B3GALT1: variants seen among roughly 807,000 people sequenced by gnomAD.
B3GALT1 encodes the protein beta-1,3-galactosyltransferase 1.
B3GALT1 carries 10 observed loss-of-function variants against 23.2 expected under a neutral mutation model. The ratio of observed to expected loss-of-function variants is 0.43; its 90% CI spans 0.27 to 0.73. The LOEUF (loss-of-function observed/expected upper bound fraction) is 0.73, where lower values mean the gene tolerates loss of function less well. Ranked by LOEUF, B3GALT1 falls within the 30% of genes least tolerant of loss-of-function variation. The probability of loss-of-function intolerance (pLI) is 0.21; values close to 1 mark genes in which losing one functional copy is unlikely to be tolerated. For synonymous variants in B3GALT1, 156 were observed against 141.5 expected, an observed-to-expected ratio of 1.10 and a Z score of -0.73; for missense variants, 299 against 405.4, an observed-to-expected ratio of 0.74 and a Z score of 2.25.
At chr2:167,350,986 C>T (rs1016836603) in intron 1 of B3GALT1, among the ~76,000 whole-genome samples, 9 of 152,056 alleles carry the variant, frequency 5.9e-5, no homozygotes, top group African/African-American at 1.7e-4. Flanking sequence ...ATATCATTTT[C>T]GGCTGGGCGT....
At chr2:167,611,068 A>G (rs1685056013) in intron 2 of B3GALT1, among the ~76,000 whole-genome samples, 1 of 151,790 alleles carries the variant, frequency 6.6e-6, no homozygotes, top group African/African-American at 2.4e-5. Context: ...GTGACAAATA[A>G]TCTCTACACC....
intron 2 of B3GALT1, among the ~76,000 whole-genome samples, chr2:167,634,013 A>G (rs1685504924): frequency 6.6e-6 from 1 of 152,210 alleles, no homozygotes; most frequent in African/African-American, 2.4e-5. Context: ...CCACAGTGCA[A>G]TCAAATTAGA....
chr2:167,687,977 A>G (rs2105498653), intron 3 of B3GALT1, among the ~76,000 whole-genome samples: 1 of 152,222 alleles, frequency 6.6e-6, no homozygotes, highest in South Asian at 2.1e-4. Flanking sequence ...AATATTTTTG[A>G]GGTCTGTTCT....
At chr2:167,741,383 G>GTT (rs1687574598) in intron 3 of B3GALT1, among the ~76,000 whole-genome samples, 1 of 152,186 alleles carries the variant, frequency 6.6e-6, no homozygotes, top group East Asian at 1.9e-4. Context: ...TACAAAGATA[G>GTT]TTAAAACATC....
At chr2:167,518,039 A>G (rs7425690) in intron 2 of B3GALT1, among the ~76,000 whole-genome samples, 19 of 151,812 alleles carry the variant, frequency 1.3e-4, no homozygotes, top group Non-Finnish European at 2.4e-4. Context: ...ACAACAACAA[A>G]AAAAATTGTA....
chr2:167,430,760 A>T (rs1698694291), intron 1 of B3GALT1, among the ~76,000 whole-genome samples: 1 of 152,160 alleles, frequency 6.6e-6, no homozygotes. Context: ...GGGGAAATTA[A>T]TATTGGCATC....
At chr2:167,327,696 A>G (rs1696915852) in intron 1 of B3GALT1, among the ~76,000 whole-genome samples, 1 of 152,064 alleles carries the variant, frequency 6.6e-6, no homozygotes, top group African/African-American at 2.4e-5. Context: ...CTGTTCTCCC[A>G]TGTGGATGCT....
intron 1 of B3GALT1, among the ~76,000 whole-genome samples, chr2:167,417,277 G>C (rs1200422199): frequency 1.3e-5 from 2 of 152,056 alleles, no homozygotes; most frequent in Non-Finnish European, 2.9e-5. Flanking sequence ...ATTGTCACAG[G>C]AATAGGACTG....
intron 2 of B3GALT1, among the ~76,000 whole-genome samples, chr2:167,514,882 A>G (rs145035587): frequency 5.3e-5 from 8 of 152,268 alleles, no homozygotes; most frequent in Admixed American, 1.3e-4. Flanking sequence ...ATAAACTACT[A>G]TAATTTGTTA....
intron 2 of B3GALT1, among the ~76,000 whole-genome samples, chr2:167,530,099 A>G (rs1358824839): frequency 3.3e-5 from 5 of 152,022 alleles, no homozygotes; most frequent in Non-Finnish European, 5.9e-5. Context: ...ATGAAAGCCA[A>G]TCCAATCTCT....
chr2:167,444,644 T>G (rs1322022739), intron 1 of B3GALT1, among the ~76,000 whole-genome samples: 3 of 152,220 alleles, frequency 2.0e-5, no homozygotes, highest in Admixed American at 6.5e-5. Flanking sequence ...ATTTTCTAGT[T>G]TATTTGCGTA....
chr2:167,530,927 G>T (rs553677958), intron 2 of B3GALT1, among the ~76,000 whole-genome samples: 1 of 152,266 alleles, frequency 6.6e-6, no homozygotes, highest in East Asian at 1.9e-4. Flanking sequence ...TTCAGTACAA[G>T]GGTACATAAT....
intron 3 of B3GALT1, among the ~76,000 whole-genome samples, chr2:167,737,783 T>C (rs1477040332): frequency 6.6e-6 from 1 of 152,210 alleles, no homozygotes; most frequent in Non-Finnish European, 1.5e-5. Flanking sequence ...AGCTACATGT[T>C]AGCTGAGCAT....
At chr2:167,436,259 G>A (rs549257825) in intron 1 of B3GALT1, among the ~76,000 whole-genome samples, 1 of 152,072 alleles carries the variant, frequency 6.6e-6, no homozygotes, top group African/African-American at 2.4e-5. Context: ...TTACTTTTTG[G>A]AACTGCTCTA....
chr2:167,447,489 T>G (rs989338871), intron 1 of B3GALT1, among the ~76,000 whole-genome samples: 11 of 152,222 alleles, frequency 7.2e-5, no homozygotes, highest in Admixed American at 2.6e-4. Context: ...GCAGGCCTCC[T>G]TGAGCTGTGG....
intron 1 of B3GALT1, among the ~76,000 whole-genome samples, chr2:167,427,396 A>C (rs565657175): frequency 6.6e-6 from 1 of 152,190 alleles, no homozygotes; most frequent in South Asian, 2.1e-4. Flanking sequence ...TATAAATGTT[A>C]ATATTTATAA....
chr2:167,411,477 A>G (rs1698391672), intron 1 of B3GALT1, among the ~76,000 whole-genome samples: 1 of 152,174 alleles, frequency 6.6e-6, no homozygotes. Context: ...CAAATGGCCA[A>G]TAGGTATATG....
chr2:167,502,168 C>T (rs1366551196), intron 2 of B3GALT1, among the ~76,000 whole-genome samples: 1 of 152,146 alleles, frequency 6.6e-6, no homozygotes, highest in Non-Finnish European at 1.5e-5. Context: ...CAAAAAATTT[C>T]ACCAATCTTT....
At chr2:167,470,590 G>A (rs1445202798) in intron 1 of B3GALT1, among the ~76,000 whole-genome samples, 6 of 152,106 alleles carry the variant, frequency 3.9e-5, no homozygotes, top group Admixed American at 3.9e-4. Flanking sequence ...TTTAGAAACA[G>A]AAGGATCTTT....
Sources: gnomAD v4.1 joint callset for allele counts (sites outside exome capture counted in the v4.1 genomes callset) on GRCh38, gnomAD v4.1.1 for gene constraint, MANE v1.5 for transcripts, NCBI Gene and HGNC (gene_info 2026-07-23, HGNC 2026-07-21) for gene names.